SCHIP1: variants seen among roughly 807,000 people sequenced by gnomAD.
The protein encoded by SCHIP1 is schwannomin-interacting protein 1.
In SCHIP1, 8 loss-of-function variants were observed where a neutral mutation model predicts 29.7. The ratio of observed to expected loss-of-function variants is 0.27; its 90% CI spans 0.16 to 0.49. The LOEUF is 0.49. Among genes scored for constraint, SCHIP1 ranks in the 20% least tolerant of loss-of-function variants. The pLI is 0.99. For synonymous variants in SCHIP1, 76 were observed against 94.9 expected (o/e 0.80, Z 1.16); for missense variants, 193 against 294.6 (o/e 0.66, Z 2.52).
At chr3:159,545,566 T>A in the SCHIP1 span, among the ~76,000 whole-genome samples, 1 of 149,572 alleles carries the variant, frequency 6.7e-6, no homozygotes, top group Non-Finnish European at 1.5e-5. Context: ...CTTAATAAAC[T>A]CCCCTTCATA....
chr3:159,886,888 G>A (rs529014177), intron 3 of SCHIP1: 11 of 156,398 alleles, frequency 7.0e-5, no homozygotes, highest in East Asian at 1.9e-4. Context: ...CAATCATGGC[G>A]GAAGGCAAGG....
At chr3:159,669,213 A>C in the SCHIP1 span, among the ~76,000 whole-genome samples, 1 of 152,332 alleles carries the variant, frequency 6.6e-6, no homozygotes, top group South Asian at 2.1e-4. Context: ...CGTAAAGCAA[A>C]GGAGAGGGCC....
chr3:159,512,920 T>G, the SCHIP1 span, among the ~76,000 whole-genome samples: 2 of 152,210 alleles, frequency 1.3e-5, no homozygotes, highest in Non-Finnish European at 2.9e-5. Context: ...GATTCTTAGA[T>G]CTCACAAATC....
the SCHIP1 span, among the ~76,000 whole-genome samples, chr3:159,383,729 C>T: frequency 2.8e-5 from 4 of 142,652 alleles, no homozygotes; most frequent in East Asian, 2.1e-4. Flanking sequence ...ATTGATTCTT[C>T]CTACCCATGA....
chr3:159,715,503 A>C, the SCHIP1 span, among the ~76,000 whole-genome samples: 1 of 152,204 alleles, frequency 6.6e-6, no homozygotes, highest in Non-Finnish European at 1.5e-5. Context: ...AAAAACCTTG[A>C]AAAAAGATTG....
At chr3:159,469,625 G>A in the SCHIP1 span, among the ~76,000 whole-genome samples, 3 of 152,088 alleles carry the variant, frequency 2.0e-5, no homozygotes, top group South Asian at 2.1e-4. Flanking sequence ...TGGGGAACAG[G>A]GATATTGGGG....
At chr3:159,396,530 T>A in the SCHIP1 span, among the ~76,000 whole-genome samples, 14 of 148,436 alleles carry the variant, frequency 9.4e-5, no homozygotes, top group African/African-American at 3.5e-4. Flanking sequence ...TGACAAAATC[T>A]CTCAGCATTT....
At chr3:159,778,586 C>T in the SCHIP1 span, among the ~76,000 whole-genome samples, 27 of 152,242 alleles carry the variant, frequency 1.8e-4, no homozygotes, top group Non-Finnish European at 2.2e-4. Context: ...AGTAATATAT[C>T]CTCACAGGCT....
At chr3:159,539,496 G>T in the SCHIP1 span, among the ~76,000 whole-genome samples, 1 of 136,058 alleles carries the variant, frequency 7.3e-6, no homozygotes, top group African/African-American at 2.5e-5. Context: ...GCAAGGAACC[G>T]CTGGATGTTA....
the SCHIP1 span, among the ~76,000 whole-genome samples, chr3:159,422,013 G>A: frequency 1.3e-5 from 2 of 152,200 alleles, no homozygotes; most frequent in Admixed American, 6.5e-5. Context: ...TCTTCTGAAA[G>A]TGAATGGCAT....
the SCHIP1 span, among the ~76,000 whole-genome samples, chr3:159,361,653 G>T: frequency 2.6e-5 from 4 of 152,210 alleles, no homozygotes; most frequent in Non-Finnish European, 4.4e-5. Flanking sequence ...CAATGCAGAT[G>T]CAGGGAATCA....
chr3:159,430,752 C>T, the SCHIP1 span, among the ~76,000 whole-genome samples: 10 of 152,120 alleles, frequency 6.6e-5, no homozygotes, highest in Admixed American at 6.6e-4. Flanking sequence ...AGGGATAAGT[C>T]AAGTAGGCAT....
chr3:159,543,117 G>GTA, the SCHIP1 span, among the ~76,000 whole-genome samples: 4,430 of 148,032 alleles, frequency 0.03, 155 homozygotes, highest in African/African-American at 0.086. Flanking sequence ...ATACATGTGT[G>GTA]TATATATATA....
the SCHIP1 span, among the ~76,000 whole-genome samples, chr3:159,591,934 A>AAAAATT: frequency 0.015 from 2,248 of 151,982 alleles, 59 homozygotes; most frequent in African/African-American, 0.051. Flanking sequence ...TTAAAATAAA[A>AAAAATT]AAAATTAAAA....
the SCHIP1 span, among the ~76,000 whole-genome samples, chr3:159,445,577 C>T: frequency 5.3e-5 from 8 of 152,166 alleles, no homozygotes; most frequent in East Asian, 5.8e-4. Context: ...CACATGTACA[C>T]GTATGTTTAT....
chr3:159,667,848 A>G, the SCHIP1 span, among the ~76,000 whole-genome samples: 1 of 152,278 alleles, frequency 6.6e-6, no homozygotes, highest in African/African-American at 2.4e-5. Flanking sequence ...CAAGAGTTCC[A>G]CCAAACAGTT....
the SCHIP1 span, among the ~76,000 whole-genome samples, chr3:159,437,016 G>T: frequency 6.6e-6 from 1 of 152,018 alleles, no homozygotes; most frequent in South Asian, 2.1e-4. Context: ...GATTAATTGG[G>T]AATATAAATA....
chr3:159,339,671 A>C, the SCHIP1 span, among the ~76,000 whole-genome samples: 1 of 152,142 alleles, frequency 6.6e-6, no homozygotes, highest in South Asian at 2.1e-4. Context: ...TGGTATTCAA[A>C]ATTAGGGTAT....
chr3:159,837,004 A>C (rs1743728185), upstream of SCHIP1, among the ~76,000 whole-genome samples: 1 of 152,034 alleles, frequency 6.6e-6, no homozygotes, highest in South Asian at 2.1e-4. Context: ...TTTTTTTGAC[A>C]GGATTTGGGA....
Sources: allele counts gnomAD v4.1 joint callset (sites outside exome capture counted in the v4.1 genomes callset), GRCh38; gene constraint gnomAD v4.1.1; transcripts MANE v1.5; gene names NCBI Gene and HGNC (gene_info 2026-07-23, HGNC 2026-07-21).